Variants in ADAMTS17 observed in about 807,000 individuals in gnomAD.
The protein encoded by ADAMTS17 is ADAM metallopeptidase with thrombospondin type 1 motif 17.
A neutral mutation model predicts 141.5 loss-of-function variants in ADAMTS17; 113 were observed. The observed-to-expected ratio is 0.80, with a 90% CI of 0.69 to 0.93. The LOEUF is 0.93. Among genes scored for constraint, ADAMTS17 ranks in the 40% least tolerant of loss-of-function variants. ADAMTS17 has a pLI of 0.00. For synonymous variants in ADAMTS17, 768 were observed against 630.6 expected, an observed-to-expected ratio of 1.22 and a Z score of -3.27; for missense variants, 1,659 against 1,517.9, an observed-to-expected ratio of 1.09 and a Z score of -1.54.
intron 15 of ADAMTS17, among the ~76,000 whole-genome samples, chr15:100,094,009 G>C (rs781378818): frequency 6.6e-6 from 1 of 151,648 alleles, no homozygotes; most frequent in African/African-American, 2.4e-5. Flanking sequence ...GTGCAAATGA[G>C]TACTGCAGGC....
intron 10 of ADAMTS17, among the ~76,000 whole-genome samples, chr15:100,143,255 T>C (rs1379379291): frequency 6.6e-6 from 1 of 152,320 alleles, no homozygotes; most frequent in Admixed American, 6.5e-5. Flanking sequence ...CAATACACAC[T>C]CTTCCTTGCA....
intron 8 of ADAMTS17, among the ~76,000 whole-genome samples, chr15:100,155,866 C>T (rs2039410824): frequency 6.6e-6 from 1 of 152,214 alleles, no homozygotes; most frequent in Non-Finnish European, 1.5e-5. Context: ...ATACCTGAGA[C>T]ATACCAGGAT....
chr15:100,337,272 C>T (rs187680535), intron 2 of ADAMTS17, among the ~76,000 whole-genome samples: 131 of 152,352 alleles, frequency 8.6e-4, no homozygotes, highest in Non-Finnish European at 1.5e-3. Flanking sequence ...CTGTACGGAA[C>T]TATGAATGTC....
intron 7 of ADAMTS17, among the ~76,000 whole-genome samples, chr15:100,211,139 T>TAAATAAAAAAA (rs1418716333): frequency 7.1e-6 from 1 of 141,316 alleles, no homozygotes; most frequent in African/African-American, 2.9e-5. Flanking sequence ...AATAAATAAA[T>TAAATAAAAAAA]AAAAATACAA....
At chr15:100,062,860 A>G (rs1179901629) in intron 15 of ADAMTS17, among the ~76,000 whole-genome samples, 1 of 152,140 alleles carries the variant, frequency 6.6e-6, no homozygotes, top group East Asian at 1.9e-4. Flanking sequence ...CATGGGATTA[A>G]AGCTGGCAGA....
chr15:100,002,662 G>C (rs1483177138), intron 18 of ADAMTS17, among the ~76,000 whole-genome samples: 1 of 152,094 alleles, frequency 6.6e-6, no homozygotes, highest in Non-Finnish European at 1.5e-5. Flanking sequence ...AGATTTAAGA[G>C]GCTTCCCACA....
At chr15:100,075,723 G>C (rs1348772962) in intron 15 of ADAMTS17, among the ~76,000 whole-genome samples, 1 of 152,130 alleles carries the variant, frequency 6.6e-6, no homozygotes, top group African/African-American at 2.4e-5. Flanking sequence ...TTTCTTTTGG[G>C]GGGGATATCA....
chr15:100,183,580 T>G (rs1353685117), intron 8 of ADAMTS17, among the ~76,000 whole-genome samples: 1 of 152,266 alleles, frequency 6.6e-6, no homozygotes, highest in East Asian at 1.9e-4. Flanking sequence ...GAAGCATTAT[T>G]ATGATTTATA....
chr15:100,285,812 C>G (rs547221125), intron 3 of ADAMTS17, among the ~76,000 whole-genome samples: 14 of 152,118 alleles, frequency 9.2e-5, no homozygotes, highest in Non-Finnish European at 1.6e-4. Flanking sequence ...TGGAGCATGG[C>G]CATGGATGCC....
At chr15:100,255,754 C>CT (rs775339116) in intron 6 of ADAMTS17, among the ~76,000 whole-genome samples, 1 of 152,170 alleles carries the variant, frequency 6.6e-6, no homozygotes, top group Non-Finnish European at 1.5e-5. Context: ...AGGCCTCAGT[C>CT]TGACAGAAGA....
intron 3 of ADAMTS17, among the ~76,000 whole-genome samples, chr15:100,290,126 C>T (rs2044580168): frequency 6.6e-6 from 1 of 152,042 alleles, no homozygotes; most frequent in African/African-American, 2.4e-5. Context: ...ATAATCTCTA[C>T]CCCCAAAAGC....
chr15:100,111,230 G>T (rs966493619), intron 13 of ADAMTS17, among the ~76,000 whole-genome samples: 1 of 152,196 alleles, frequency 6.6e-6, no homozygotes, highest in African/African-American at 2.4e-5. Context: ...GCTTCTGAAG[G>T]CCCCAGTGGG....
At chr15:100,313,363 T>C (rs2045463250) in intron 3 of ADAMTS17, among the ~76,000 whole-genome samples, 2 of 152,226 alleles carry the variant, frequency 1.3e-5, no homozygotes, top group Admixed American at 1.3e-4. Context: ...AAGGTTGTCA[T>C]AACATTAGAA....
chr15:100,043,675 GAA>G (rs2031449230), intron 18 of ADAMTS17, among the ~76,000 whole-genome samples: 1 of 152,238 alleles, frequency 6.6e-6, no homozygotes, highest in East Asian at 1.9e-4. Context: ...TCAAAATACA[GAA>G]AAAAATATGC....
At chr15:100,279,118 G>C (rs1439427229) in intron 4 of ADAMTS17, among the ~76,000 whole-genome samples, 1 of 152,082 alleles carries the variant, frequency 6.6e-6, no homozygotes, top group African/African-American at 2.4e-5. Context: ...CCACAGCCCC[G>C]CCCAATCCGC....
chr15:100,147,641 A>G (rs4965286), intron 10 of ADAMTS17, among the ~76,000 whole-genome samples: 9,320 of 152,180 alleles, frequency 0.061, 436 homozygotes, highest in African/African-American at 0.12. Context: ...CCACCAGCAC[A>G]TATGCAGCTG....
intron 3 of ADAMTS17, among the ~76,000 whole-genome samples, chr15:100,284,751 A>C (rs2044392166): frequency 6.6e-6 from 1 of 152,248 alleles, no homozygotes; most frequent in Non-Finnish European, 1.5e-5. Flanking sequence ...CTAAACTGCA[A>C]AAATATGCTT....
At chr15:100,170,457 G>C (rs2040117728) in intron 8 of ADAMTS17, among the ~76,000 whole-genome samples, 1 of 152,160 alleles carries the variant, frequency 6.6e-6, no homozygotes, top group Non-Finnish European at 1.5e-5. Context: ...GCTGAAATCA[G>C]CCTTCTGGCC....
Position 100,222,544 on chromosome 15 carries a change from C to G in ADAMTS17, c.1076-23121G>C, listed in dbSNP as rs541220141. Among the ~76,000 whole-genome samples, 9 of 152,324 alleles carry G rather than the reference C, an allele frequency of 5.9e-5. 1 individual carries two copies. In the South Asian group the frequency reaches 1.5e-3, roughly 25 times the overall value. On this transcript the variant is annotated intron_variant, in intron 7 of 21. Transcript: ENST00000268070. ...TGCACCTGGGTGGCCTCCGTGTCCC[C>G]CCTGAACCAAGCACACAGCTTGGGG... is the stretch of plus-strand genomic sequence containing the variant.
Sources: allele counts gnomAD v4.1 joint callset (sites outside exome capture counted in the v4.1 genomes callset), GRCh38; gene constraint gnomAD v4.1.1; transcripts MANE v1.5; gene names NCBI Gene and HGNC (gene_info 2026-07-23, HGNC 2026-07-21).